Variants in LINC00237 observed in about 807,000 individuals in gnomAD.
The protein encoded by LINC00237 is long independently transcribed non-coding RNA 237.
intron 1 of LINC00237, among the ~76,000 whole-genome samples, chr20:21,095,566 AT>A (rs2030846525): frequency 6.6e-6 from 1 of 152,218 alleles, no homozygotes; most frequent in Non-Finnish European, 1.5e-5. Context: ...CACATATGGT[AT>A]TAGGGAGCCC....
intron 2 of LINC00237, among the ~76,000 whole-genome samples, chr20:21,091,231 A>C (rs938652410): frequency 2.0e-5 from 3 of 152,144 alleles, no homozygotes; most frequent in African/African-American, 7.2e-5. Flanking sequence ...CACAATTTGC[A>C]ATCAGTATGC....
chr20:21,089,226 T>C (rs1474986189), intron 2 of LINC00237, among the ~76,000 whole-genome samples: 1 of 151,436 alleles, frequency 6.6e-6, no homozygotes, highest in Admixed American at 6.6e-5. Context: ...TATTTATCTA[T>C]ATTTTTGAAA....
intron 1 of LINC00237, among the ~76,000 whole-genome samples, chr20:21,094,526 C>T (rs1365263735): frequency 6.6e-6 from 1 of 152,164 alleles, no homozygotes; most frequent in South Asian, 2.1e-4. Context: ...AGACTTTCTA[C>T]ATGAAATAGG....
chr20:21,092,710 G>A (rs937579862), intron 2 of LINC00237: 3 of 152,148 alleles, frequency 2.0e-5, no homozygotes, highest in Non-Finnish European at 4.4e-5. Context: ...AGGCTTCTAT[G>A]TATATTTTCT....
intron 3 of LINC00237, among the ~76,000 whole-genome samples, chr20:21,087,096 A>G (rs2030722549): frequency 6.7e-6 from 1 of 149,826 alleles, no homozygotes; most frequent in South Asian, 2.1e-4. Flanking sequence ...ATATATGTAG[A>G]GAGAGAGACA....
At chr20:21,085,962 T>C (rs1327351655) in intron 3 of LINC00237, among the ~76,000 whole-genome samples, 4 of 152,128 alleles carry the variant, frequency 2.6e-5, no homozygotes, top group African/African-American at 7.2e-5. Flanking sequence ...CCTTTAACCC[T>C]CAAGACCCAC....
chr20:21,094,246 G>T (rs1477420413), intron 1 of LINC00237, among the ~76,000 whole-genome samples: 5 of 152,288 alleles, frequency 3.3e-5, no homozygotes, highest in Middle Eastern at 3.4e-3. Context: ...ATATATGCTG[G>T]TCACTCTCTC....
intron 1 of LINC00237, among the ~76,000 whole-genome samples, chr20:21,097,628 C>T (rs940128700): frequency 1.3e-5 from 2 of 152,148 alleles, no homozygotes; most frequent in African/African-American, 4.8e-5. Context: ...GGACACAACT[C>T]ATTATTATAT....
rs374459128 is a variant in LINC00237 at position 21,101,108 on chromosome 20, C to T, written n.88+5163G>A. 6.6e-6 allele frequency among the ~76,000 whole-genome samples: 1 copy of T among 152,148 alleles called. No homozygotes were observed. The highest frequency in any genetic ancestry group is 1.9e-4 in the East Asian group (1 of 5,186). ...GCATGTGAAAAGGCGAGCAAAACTCCGCGGTTCAACAGCTAAAGAGCAATT... is the reference window on the plus strand; with the variant it reads ...GCATGTGAAAAGGCGAGCAAAACTCTGCGGTTCAACAGCTAAAGAGCAATT... On this transcript the variant is annotated intron_variant and non_coding_transcript_variant, in intron 1 of 3. Coordinates refer to ENST00000691244, the Ensembl canonical transcript of LINC00237. The surrounding 1 kb of genome is among the most constrained non-coding windows in gnomAD (Gnocchi z 4.3).
intron 1 of LINC00237, among the ~76,000 whole-genome samples, chr20:21,103,412 A>ACGGCT (rs1435350115): frequency 1.3e-5 from 2 of 152,172 alleles, no homozygotes; most frequent in African/African-American, 4.8e-5. Context: ...ACCAATAGCC[A>ACGGCT]CGGCTCGGGG....
chr20:21,087,804 A>G (rs896395065), intron 3 of LINC00237: 1 of 152,182 alleles, frequency 6.6e-6, no homozygotes, highest in African/African-American at 2.4e-5. Context: ...CATTCCTGAT[A>G]TAATAGTGAG....
chr20:21,099,392 G>T (rs1018814351), intron 1 of LINC00237, among the ~76,000 whole-genome samples: 1 of 152,202 alleles, frequency 6.6e-6, no homozygotes, highest in Non-Finnish European at 1.5e-5. Context: ...TGGAAAGTTG[G>T]TCTCCCTGTA....
chr20:21,096,501 T>C (rs1232250558), intron 1 of LINC00237, among the ~76,000 whole-genome samples: 2 of 152,324 alleles, frequency 1.3e-5, no homozygotes, highest in East Asian at 3.9e-4. Context: ...GTTCAGCTGG[T>C]CAGCCGTGTG....
intron 1 of LINC00237, among the ~76,000 whole-genome samples, chr20:21,104,857 A>G (rs2030977517): frequency 6.6e-6 from 1 of 152,174 alleles, no homozygotes; most frequent in African/African-American, 2.4e-5. Context: ...ACAGGCGCGT[A>G]CACACACACT....
intron 1 of LINC00237, among the ~76,000 whole-genome samples, chr20:21,098,137 A>C (rs549492945): frequency 2.6e-5 from 4 of 152,382 alleles, no homozygotes; most frequent in Admixed American, 1.3e-4. Context: ...CTGCAGATTA[A>C]GAAACTGAAT....
intron 1 of LINC00237, among the ~76,000 whole-genome samples, chr20:21,098,430 T>C (rs2030887839): frequency 6.6e-6 from 1 of 152,204 alleles, no homozygotes; most frequent in Non-Finnish European, 1.5e-5. Context: ...CCGGTAGAAA[T>C]GCTATTGTCA....
At chr20:21,089,322 C>T (rs2030759375) in intron 2 of LINC00237, among the ~76,000 whole-genome samples, 1 of 151,892 alleles carries the variant, frequency 6.6e-6, no homozygotes, top group Non-Finnish European at 1.5e-5. Context: ...CGGTTTCTCT[C>T]AAGTTGTGCT....
intron 1 of LINC00237, among the ~76,000 whole-genome samples, chr20:21,095,783 C>T (rs998422779): frequency 1.3e-5 from 2 of 152,224 alleles, no homozygotes; most frequent in African/African-American, 4.8e-5. Flanking sequence ...TGACCAACCA[C>T]CAGCACCTGT....
chr20:21,102,696 GAAAAAA>G (rs34351894), intron 1 of LINC00237, among the ~76,000 whole-genome samples: 2 of 130,874 alleles, frequency 1.5e-5, no homozygotes, highest in Non-Finnish European at 1.6e-5. Context: ...TATTTTATAA[GAAAAAA>G]AAAAAAAAAA....
Sources: gnomAD v4.1 joint callset for allele counts (sites outside exome capture counted in the v4.1 genomes callset) on GRCh38, gnomAD v4.1.1 for gene constraint, Gnocchi (gnomAD v3.1) non-coding constraint, MANE v1.5 for transcripts, NCBI Gene and HGNC (gene_info 2026-07-23, HGNC 2026-07-21) for gene names.